The following RHOA variants were observed in gnomAD, a reference collection of about 807,000 sequenced individuals.
The protein encoded by RHOA is ras homolog family member A.
A neutral mutation model predicts 17.5 loss-of-function variants in RHOA; 3 were observed. That is an observed-to-expected ratio of 0.17 (90% confidence interval 0.08 to 0.44). RHOA has a LOEUF of 0.44. Among genes scored for constraint, RHOA ranks in the 20% least tolerant of loss-of-function variants. The pLI is 0.99. For missense variants in RHOA, 56 were observed against 242.3 expected (o/e 0.23, Z 5.10); for synonymous variants, 98 against 88.4 (o/e 1.11, Z -0.61).
intron 2 of RHOA, among the ~76,000 whole-genome samples, chr3:49,371,281 GTTT>G (rs34744152): frequency 7.2e-6 from 1 of 138,700 alleles, no homozygotes; most frequent in Non-Finnish European, 1.6e-5. Flanking sequence ...ATTGCCTACT[GTTT>G]TTTTTTTTTT....
chr3:49,403,358 C>T (rs768046584), intron 1 of RHOA, among the ~76,000 whole-genome samples: 7 of 152,106 alleles, frequency 4.6e-5, no homozygotes, highest in East Asian at 1.9e-4. Context: ...AAATTTAAAG[C>T]CTTGAGGAAA....
At chr3:49,387,637 C>G (rs1052201168) in intron 1 of RHOA, among the ~76,000 whole-genome samples, 6 of 147,974 alleles carry the variant, frequency 4.1e-5, no homozygotes, top group Non-Finnish European at 7.4e-5. Context: ...TCCAGCTACT[C>G]AGGAGGCTGA....
chr3:49,411,447 T>C (rs2048933507), intron 1 of RHOA, among the ~76,000 whole-genome samples: 1 of 152,230 alleles, frequency 6.6e-6, no homozygotes. Context: ...ACGCGCGCTT[T>C]CAGCGGCCGG....
intron 1 of RHOA, among the ~76,000 whole-genome samples, chr3:49,398,258 C>T (rs139951558): frequency 7.8e-4 from 118 of 151,698 alleles, no homozygotes; most frequent in African/African-American, 2.7e-3. Flanking sequence ...GGCTGAGACA[C>T]GAGAATTGCT....
chr3:49,400,053 T>C (rs1039577872), intron 1 of RHOA, among the ~76,000 whole-genome samples: 2 of 150,974 alleles, frequency 1.3e-5, no homozygotes, highest in African/African-American at 4.9e-5. Context: ...CTACTAAAAA[T>C]ACAAAAAAAT....
chr3:49,362,450 G>A, intron 4 of RHOA, 46 bp downstream of exon 4: 2 of 1,523,430 alleles, frequency 1.3e-6, no homozygotes, highest in Non-Finnish European at 8.8e-7. Context: ...CAAACTTGGG[G>A]CCCTAGTTCA....
At chr3:49,410,196 C>T (rs2048909078) in intron 1 of RHOA, among the ~76,000 whole-genome samples, 1 of 152,144 alleles carries the variant, frequency 6.6e-6, no homozygotes, top group Non-Finnish European at 1.5e-5. Flanking sequence ...TGGAGGCCAA[C>T]TGCTTGGGAG....
At chr3:49,402,856 C>A (rs1196897675) in intron 1 of RHOA, among the ~76,000 whole-genome samples, 1 of 151,706 alleles carries the variant, frequency 6.6e-6, no homozygotes, top group Non-Finnish European at 1.5e-5. Flanking sequence ...GCCAACATGG[C>A]GAAACCCCGT....
chr3:49,406,992 A>T (rs1259175540), intron 1 of RHOA, among the ~76,000 whole-genome samples: 1 of 151,386 alleles, frequency 6.6e-6, no homozygotes, highest in Non-Finnish European at 1.5e-5. Context: ...AAAATACAAA[A>T]ATTAGTCGGG....
intron 1 of RHOA, among the ~76,000 whole-genome samples, chr3:49,398,595 G>A (rs1465362816): frequency 6.7e-5 from 10 of 149,492 alleles, no homozygotes; most frequent in African/African-American, 9.8e-5. Flanking sequence ...AGGCCAAGGC[G>A]GGTGGATCAC....
rs539690258 is a variant in RHOA, at chr3:49,394,598, G to A, written c.-3+17222C>T. On this transcript the variant is annotated intron_variant, in intron 1 of 4. Coordinates refer to ENST00000418115, the MANE Select transcript of RHOA (RefSeq NM_001664.4). ...ACTCTTCACCTCAAGTGATCTACCTGCCTCGGCCTCCCAAAATGCTGGGAT... is the reference window on the plus strand; with the variant it reads ...ACTCTTCACCTCAAGTGATCTACCTACCTCGGCCTCCCAAAATGCTGGGAT... Among the ~76,000 whole-genome samples, 6 of 152,040 alleles carry A rather than the reference G, an allele frequency of 3.9e-5. No individual in the cohort carries two copies. The East Asian group carries it at 1.2e-3, about 30-fold the overall frequency.
At chr3:49,391,135 T>G (rs1321817327) in intron 1 of RHOA, among the ~76,000 whole-genome samples, 2 of 151,606 alleles carry the variant, frequency 1.3e-5, no homozygotes, top group Admixed American at 1.3e-4. Context: ...GGAGAACCGC[T>G]TGTACCCGGG....
At chr3:49,378,240 C>CTTTTTTTTT (rs71077802) in intron 1 of RHOA, among the ~76,000 whole-genome samples, 1 of 60,680 alleles carries the variant, frequency 1.6e-5, no homozygotes, top group African/African-American at 6.1e-5. Flanking sequence ...ATCCATCTAT[C>CTTTTTTTTT]TTTTTTTTTT....
intron 1 of RHOA, among the ~76,000 whole-genome samples, chr3:49,399,501 G>A (rs1323401840): frequency 2.0e-5 from 3 of 152,034 alleles, no homozygotes; most frequent in Non-Finnish European, 4.4e-5. Flanking sequence ...ACAAAACAGG[G>A]CTTGACAGAG....
At chr3:49,409,321 G>A (rs2048893898) in intron 1 of RHOA, among the ~76,000 whole-genome samples, 1 of 152,060 alleles carries the variant, frequency 6.6e-6, no homozygotes, top group Non-Finnish European at 1.5e-5. Context: ...CTTGAACCCA[G>A]GAGGCAGACG....
intron 1 of RHOA, among the ~76,000 whole-genome samples, chr3:49,390,454 C>T (rs902696474): frequency 1.3e-5 from 2 of 151,802 alleles, no homozygotes; most frequent in Non-Finnish European, 2.9e-5. Flanking sequence ...TTTGTAGAGA[C>T]GGGTTCACCA....
At chr3:49,385,663 G>A (rs1254012335) in intron 1 of RHOA, among the ~76,000 whole-genome samples, 1 of 151,890 alleles carries the variant, frequency 6.6e-6, no homozygotes, top group East Asian at 1.9e-4. Flanking sequence ...AAATACCACA[G>A]CCAAATTCAA....
chr3:49,397,520 A>G (rs944784049), intron 1 of RHOA, among the ~76,000 whole-genome samples: 1 of 152,156 alleles, frequency 6.6e-6, no homozygotes, highest in African/African-American at 2.4e-5. Flanking sequence ...GTTTTTTTAA[A>G]AAAAATAAGC....
intron 1 of RHOA, among the ~76,000 whole-genome samples, chr3:49,406,478 T>A (rs1202436371): frequency 6.6e-6 from 1 of 152,196 alleles, no homozygotes; most frequent in Non-Finnish European, 1.5e-5. Context: ...GCTATAAGCT[T>A]CAGAAATTAA....
Sources: allele counts gnomAD v4.1 joint callset (sites outside exome capture counted in the v4.1 genomes callset), GRCh38; gene constraint gnomAD v4.1.1; transcripts MANE v1.5; gene names NCBI Gene and HGNC (gene_info 2026-07-23, HGNC 2026-07-21).